The following LINGO2 variants were observed in gnomAD, a reference collection of about 807,000 sequenced individuals.
The protein encoded by LINGO2 is leucine rich repeat and Ig domain containing 2, also known as leucine-rich repeat and immunoglobulin-like domain-containing nogo receptor-interacting protein 2.
LINGO2 carries 14 observed loss-of-function variants against 30.6 expected under a neutral mutation model. The ratio of observed to expected loss-of-function variants is 0.46; its 90% confidence interval spans 0.30 to 0.72. The LOEUF (loss-of-function observed/expected upper bound fraction) is 0.72. Ranked by LOEUF, LINGO2 falls within the 30% of genes least tolerant of loss-of-function variation. The pLI, the probability that LINGO2 is intolerant of heterozygous loss-of-function variation, is 0.07. For missense variants in LINGO2, 729 were observed against 751.7 expected, an observed-to-expected ratio of 0.97 and a Z score of 0.35; for synonymous variants, 317 against 288.5, an observed-to-expected ratio of 1.10 and a Z score of -1.00.
At chr9:28,164,810 C>T (rs1300451747) in intron 4 of LINGO2, among the ~76,000 whole-genome samples, 1 of 152,136 alleles carries the variant, frequency 6.6e-6, no homozygotes, top group African/African-American at 2.4e-5. Context: ...GAACTGCTCC[C>T]TTAGCCCCCT....
At chr9:28,418,328 G>C (rs1823052745) in intron 2 of LINGO2, among the ~76,000 whole-genome samples, 1 of 144,596 alleles carries the variant, frequency 6.9e-6, no homozygotes, top group Admixed American at 7.2e-5. Flanking sequence ...GCCCAGGCTG[G>C]AGTGCAGTGG....
intron 1 of LINGO2, among the ~76,000 whole-genome samples, chr9:28,496,835 C>T (rs1317215131): frequency 6.6e-6 from 1 of 152,114 alleles, no homozygotes; most frequent in East Asian, 1.9e-4. Flanking sequence ...CCTTCAGGAG[C>T]TCTTGTAGGG....
the LINGO2 span, among the ~76,000 whole-genome samples, chr9:28,993,695 C>T: frequency 3.4e-4 from 50 of 148,610 alleles, 1 homozygote; most frequent in East Asian, 5.0e-3. Context: ...ATCCCTGGGA[C>T]GCAAGGCTGG....
At chr9:28,322,659 G>T (rs532359806) in intron 3 of LINGO2, among the ~76,000 whole-genome samples, 1 of 152,104 alleles carries the variant, frequency 6.6e-6, no homozygotes, top group Non-Finnish European at 1.5e-5. Flanking sequence ...ACACTGTCAT[G>T]TACTGATTGT....
intron 5 of LINGO2, among the ~76,000 whole-genome samples, chr9:27,980,058 A>T (rs568982827): frequency 6.6e-6 from 1 of 152,010 alleles, no homozygotes; most frequent in East Asian, 1.9e-4. Context: ...TATTTCCAAC[A>T]CCAGCTGTTC....
At position 28,626,064 on chromosome 9, in the gene LINGO2, T is replaced by A. The variant is rs575069588; in HGVS notation, c.-365+44136A>T. Among the ~76,000 whole-genome samples, 4 of 152,274 alleles carry A rather than the reference T, an allele frequency of 2.6e-5. No homozygotes were observed. The East Asian group carries it at 7.7e-4, about 29-fold the overall frequency. On this transcript the variant is annotated intron_variant, in intron 1 of 5. Transcript: ENST00000379992. Reference sequence around the variant, plus strand: ...GGTGGCAACATTTGAGAATTCCGCTTGCTTCACAAATGCCAAAATTTGTAT... The same window carrying A: ...GGTGGCAACATTTGAGAATTCCGCTAGCTTCACAAATGCCAAAATTTGTAT...
chr9:28,681,978 G>C, the LINGO2 span, among the ~76,000 whole-genome samples: 1 of 152,210 alleles, frequency 6.6e-6, no homozygotes, highest in African/African-American at 2.4e-5. Context: ...GAGATTCAGA[G>C]AGGTAGAGTG....
chr9:28,020,098 TG>T lies in LINGO2; in HGVS notation c.-86-7694del, dbSNP rs1397644053. Among the ~76,000 whole-genome samples, 17 of 152,338 alleles carry T rather than the reference TG, an allele frequency of 1.1e-4. No homozygotes were observed. The South Asian group carries it at 1.4e-3, about 13-fold the overall frequency. On this transcript the variant is annotated intron_variant, in intron 4 of 5. Coordinates refer to ENST00000379992, the Ensembl canonical transcript of LINGO2. ...GAAACACTACACTAGATGATGCTTA[TG>T]GTCACTTCCAGTCTGAATGAGCCAT...
chr9:28,561,780 TAA>T (rs35903053), intron 1 of LINGO2, among the ~76,000 whole-genome samples: 2,790 of 107,482 alleles, frequency 0.026, 492 homozygotes, highest in African/African-American at 0.092. Context: ...TATATATATA[TAA>T]AAAATATGCT....
At chr9:28,848,002 TATAC>T in the LINGO2 span, among the ~76,000 whole-genome samples, 214 of 68,440 alleles carry the variant, frequency 3.1e-3, 12 homozygotes, top group African/African-American at 0.011. Flanking sequence ...TATGTACATA[TATAC>T]ATACATATAT....
intron 2 of LINGO2, among the ~76,000 whole-genome samples, chr9:28,419,258 T>C (rs1823090467): frequency 6.6e-6 from 1 of 152,186 alleles, no homozygotes. Context: ...CCAGCTTTGC[T>C]TAGTTTTGAA....
At chr9:28,325,883 A>G (rs1277753228) in intron 3 of LINGO2, among the ~76,000 whole-genome samples, 1 of 152,104 alleles carries the variant, frequency 6.6e-6, no homozygotes, top group Non-Finnish European at 1.5e-5. Context: ...AAACTCTCCC[A>G]CATTTTATTT....
At chr9:28,497,426 T>C (rs1352603700) in intron 1 of LINGO2, among the ~76,000 whole-genome samples, 1 of 152,198 alleles carries the variant, frequency 6.6e-6, no homozygotes, top group African/African-American at 2.4e-5. Context: ...GAATCACTGA[T>C]ACCCTTTCTT....
chr9:28,274,096 C>T (rs1170679829), intron 4 of LINGO2, among the ~76,000 whole-genome samples: 2 of 152,136 alleles, frequency 1.3e-5, no homozygotes, highest in Non-Finnish European at 2.9e-5. Context: ...TTAATATTTA[C>T]TGTAGATGAT....
chr9:28,868,878 C>A, the LINGO2 span, among the ~76,000 whole-genome samples: 2 of 151,964 alleles, frequency 1.3e-5, no homozygotes, highest in East Asian at 1.9e-4. Flanking sequence ...ATTATTTAAG[C>A]CCCCAACTCA....
chr9:28,510,863 A>G (rs1820354951), intron 1 of LINGO2, among the ~76,000 whole-genome samples: 1 of 152,114 alleles, frequency 6.6e-6, no homozygotes, highest in Admixed American at 6.5e-5. Flanking sequence ...CAAGTTGAGG[A>G]GCAAAGAGAA....
chr9:29,213,216 G>A, the LINGO2 span, among the ~76,000 whole-genome samples: 2,938 of 152,210 alleles, frequency 0.019, 91 homozygotes, highest in African/African-American at 0.067. Context: ...CCACAGACAC[G>A]TCAGTCAATT....
At chr9:28,416,199 C>T (rs982540498) in intron 2 of LINGO2, among the ~76,000 whole-genome samples, 57 of 152,036 alleles carry the variant, frequency 3.7e-4, no homozygotes, top group African/African-American at 1.3e-3. Flanking sequence ...CAAGTAAAGC[C>T]AGAAAATTAT....
the LINGO2 span, among the ~76,000 whole-genome samples, chr9:29,021,931 ATC>A: frequency 8.3e-4 from 126 of 152,312 alleles, no homozygotes; most frequent in Admixed American, 2.6e-3. Flanking sequence ...AGAATAAATT[ATC>A]TGTTTGTCAT....
Sources: gnomAD v4.1 joint callset for allele counts (sites outside exome capture counted in the v4.1 genomes callset) on GRCh38, gnomAD v4.1.1 for gene constraint, MANE v1.5 for transcripts, NCBI Gene and HGNC (gene_info 2026-07-23, HGNC 2026-07-21) for gene names.